Variants in GADD45GIP1 observed in about 807,000 individuals in gnomAD.
GADD45GIP1 encodes large ribosomal subunit protein mL64.
In GADD45GIP1, 17 loss-of-function variants were observed where a neutral mutation model predicts 22.1. The observed-to-expected ratio is 0.77, with a 90% CI of 0.53 to 1.15. The LOEUF is 1.15. GADD45GIP1 is among the 50% of genes most tolerant of loss of function. GADD45GIP1 has a pLI of 0.00. For synonymous variants in GADD45GIP1, 135 were observed against 138.4 expected (o/e 0.98, Z 0.17); for missense variants, 294 against 314.0 (o/e 0.94, Z 0.48).
At position 12,954,140 on chromosome 19, in the gene GADD45GIP1, C is replaced by G. The variant is rs1568456275; in HGVS notation, c.*68G>C. 1 of 1,385,342 alleles carries G rather than the reference C, an allele frequency of 7.2e-7. No individual in the cohort carries two copies. The highest frequency in any genetic ancestry group is 1.0e-6 in the Non-Finnish European group (1 of 1,003,428). The allele number at this position is 1,385,342 out of a possible 1,614,324, so 85.8% of individuals were successfully genotyped here. A position where few individuals can be genotyped will look rare whatever the true frequency, so the allele number is the denominator to read the frequency against. Reference sequence around the variant, plus strand: ...AACCAGGGGACCCAGAGAGGCACACCTTGAGAGGACGCAGATCTCTTCAGG... The same window carrying G: ...AACCAGGGGACCCAGAGAGGCACACGTTGAGAGGACGCAGATCTCTTCAGG... On this transcript the variant is annotated 3_prime_UTR_variant, in exon 2 of 2. Coordinates refer to ENST00000316939, the MANE Select transcript of GADD45GIP1 (RefSeq NM_052850.4).
At chr19:12,956,804 G>A (rs988382438) in intron 1 of GADD45GIP1, 59 bp downstream of exon 1, 1 of 1,507,972 alleles carries the variant, frequency 6.6e-7, no homozygotes, top group East Asian at 2.3e-5. Context: ...GCACGGTTTG[G>A]GGCCCAGTTC....
intron 1 of GADD45GIP1, among the ~76,000 whole-genome samples, 155 bp from the exon 2 acceptor site, chr19:12,954,681 C>T (rs1265296628): frequency 2.0e-5 from 3 of 152,150 alleles, no homozygotes; most frequent in Admixed American, 6.5e-5. Flanking sequence ...AGTGAAGAAA[C>T]AGGAAGAGAT....
rs143026997 is a variant in GADD45GIP1, at chr19:12,957,109, G to A, written c.104C>T (p.Pro35Leu). The change falls in exon 1 of 2, where the codon CCG becomes CTG. Residue 35 changes from proline (P) to leucine (L), a missense_variant. Pro to Leu is a moderately conservative substitution (Grantham distance 98). Coordinates refer to ENST00000316939, the MANE Select transcript of GADD45GIP1 (RefSeq NM_052850.4). ...YRARPPPRRR[P>L]GPRWPDPEDL... ...CTCGGGGTCTGGCCACCGGGGTCCC[G>A]GCCTGCGGCGCGGGGGCGGCCGCGC... is the stretch of plus-strand genomic sequence containing the variant. 5.8e-4 allele frequency: 832 copies of A among 1,439,380 alleles called. 1 individual carries two copies. In the African/African-American group the frequency reaches 9.1e-3, roughly 16 times the overall value. 89.2% of individuals were successfully genotyped at this position (1,439,380 alleles called of 1,614,324 possible).
chr19:12,957,105 T>C lies in GADD45GIP1; in HGVS notation c.108A>G (p.Gly36=). The change falls in exon 1 of 2, where the codon GGA becomes GGG. Residue 36 remains glycine, a synonymous_variant. Coordinates refer to ENST00000316939, the MANE Select transcript of GADD45GIP1 (RefSeq NM_052850.4). Reference sequence around the variant, plus strand: ...GGTCCTCGGGGTCTGGCCACCGGGGTCCCGGCCTGCGGCGCGGGGGCGGCC... The same window carrying C: ...GGTCCTCGGGGTCTGGCCACCGGGGCCCCGGCCTGCGGCGCGGGGGCGGCC... ...RARPPPRRRP[G]PRWPDPEDLL... is the part of the protein sequence containing the mutation. The C allele has an allele frequency of 1.4e-6, 2 of 1,451,474 alleles. No homozygotes were observed. The highest frequency in any genetic ancestry group is 1.8e-6 in the Non-Finnish European group (2 of 1,115,532). The allele number at this position is 1,451,474 out of a possible 1,614,324, so 89.9% of individuals were successfully genotyped here.
In GADD45GIP1 at chr19:12,954,002, A is replaced by G; in HGVS notation, c.*206T>C. On this transcript the variant is annotated 3_prime_UTR_variant, in exon 2 of 2. Transcript: ENST00000316939. ...CTTCTCCATTATTTGCCCATTGTACACCCCCCTTTTCCTCCCACTGAAGCC... is the reference window on the plus strand; with the variant it reads ...CTTCTCCATTATTTGCCCATTGTACGCCCCCCTTTTCCTCCCACTGAAGCC... 1.8e-6 allele frequency: 1 copy of G among 569,336 alleles called. No homozygotes were observed. Among genetic ancestry groups the G allele is most frequent in the Non-Finnish European group, 3.1e-6 (1 of 321,778 alleles). The allele number at this position is 569,336 out of a possible 1,614,324, so 35.3% of individuals were successfully genotyped here.
chr19:12,954,103 T>G lies in GADD45GIP1; in HGVS notation c.*105A>C. 1.1e-6 allele frequency: 1 copy of G among 951,600 alleles called. No individual in the cohort carries two copies. The highest frequency in any genetic ancestry group is 1.6e-6 in the Non-Finnish European group (1 of 617,506). The allele number at this position is 951,600 out of a possible 1,614,324, so 58.9% of individuals were successfully genotyped here. On this transcript the variant is annotated 3_prime_UTR_variant, in exon 2 of 2. Coordinates refer to ENST00000316939, the MANE Select transcript of GADD45GIP1 (RefSeq NM_052850.4). Reference sequence around the variant, plus strand: ...AGTGGGGGATTCCCCAGCTCTTAAGTATTGGGGGAGGAACCAGGGGACCCA... The same window carrying G: ...AGTGGGGGATTCCCCAGCTCTTAAGGATTGGGGGAGGAACCAGGGGACCCA...
At position 12,955,085 on chromosome 19, in the gene GADD45GIP1, T is replaced by C. The variant is rs183668406; in HGVS notation, c.351-559A>G. Reference sequence around the variant, plus strand: ...TTAAACCTAGTACCTAGAGGTCATTTTTCCTGATCCTCTCCCTCCACCCTC... The same window carrying C: ...TTAAACCTAGTACCTAGAGGTCATTCTTCCTGATCCTCTCCCTCCACCCTC... On this transcript the variant is annotated intron_variant, in intron 1 of 1. Coordinates refer to ENST00000316939, the MANE Select transcript of GADD45GIP1 (RefSeq NM_052850.4). 3.9e-5 allele frequency among the ~76,000 whole-genome samples: 6 copies of C among 152,306 alleles called. No homozygotes were observed. In the East Asian group the frequency reaches 1.2e-3, roughly 29 times the overall value.
At chr19:12,954,646 T>C in intron 1 of GADD45GIP1, 120 bp from the exon 2 acceptor site, 1 of 719,214 alleles carries the variant, frequency 1.4e-6, no homozygotes, top group Non-Finnish European at 2.3e-6. Context: ...CCCAGTAGAT[T>C]AACTGTCAGG....
Position 12,954,157 on chromosome 19 carries a change from C to G in GADD45GIP1, c.*51G>C, listed in dbSNP as rs773257129. The G allele has an allele frequency of 6.7e-7, 1 of 1,488,128 alleles. No homozygotes were observed. The allele number at this position is 1,488,128 out of a possible 1,614,324, so 92.2% of individuals were successfully genotyped here. On this transcript the variant is annotated 3_prime_UTR_variant, in exon 2 of 2. Transcript: ENST00000316939. Reference sequence around the variant, plus strand: ...AGGCACACCTTGAGAGGACGCAGATCTCTTCAGGGGTACTGCCAGGTAGCA... The same window carrying G: ...AGGCACACCTTGAGAGGACGCAGATGTCTTCAGGGGTACTGCCAGGTAGCA...
At position 12,953,768 on chromosome 19, in the gene GADD45GIP1, A is replaced by G. The variant is rs1490985105; in HGVS notation, c.*440T>C. 1 of 165,336 alleles carries G rather than the reference A, an allele frequency of 6.0e-6. No individual in the cohort carries two copies. The highest frequency in any genetic ancestry group is 1.3e-5 in the Non-Finnish European group (1 of 76,260). The allele number at this position is 165,336 out of a possible 1,614,324, so 10.2% of individuals were successfully genotyped here. On this transcript the variant is annotated 3_prime_UTR_variant, in exon 2 of 2. Transcript: ENST00000316939. ...GGGAGAGGAGTCTGTGAGTCCCTGC[A>G]GATTGAGGCTTCCGGTGTCTCCTCC...
chr19:12,954,922 A>G (rs904335464), intron 1 of GADD45GIP1, among the ~76,000 whole-genome samples: 8 of 152,166 alleles, frequency 5.3e-5, no homozygotes, highest in African/African-American at 1.7e-4. Flanking sequence ...GACATTTCCC[A>G]CCAATCCTTG....
Position 12,956,882 on chromosome 19 carries a change from C to T in GADD45GIP1, c.331G>A (p.Glu111Lys). ...ESLRVKQLAE[E>K]QKRREREQHI... ...ACGCACCTCTCCCGACGCTTCTGCT[C>T]TTCGGCCAGCTGCTTCACCCGCAGC... The change falls in exon 1 of 2, where the codon GAG becomes AAG. Residue 111 changes from glutamate (E) to lysine (K), a missense_variant. Glu to Lys is a moderately conservative substitution (Grantham distance 56). Coordinates refer to ENST00000316939, the MANE Select transcript of GADD45GIP1 (RefSeq NM_052850.4). The T allele has an allele frequency of 6.3e-7, 1 of 1,598,640 alleles. No individual in the cohort carries two copies.
rs377477797 is a variant in GADD45GIP1, at chr19:12,953,338, T to A, written c.*870A>T. 96 of 244,042 alleles carry A rather than the reference T, an allele frequency of 3.9e-4. 1 individual carries two copies. In the East Asian group the frequency reaches 6.3e-3, roughly 16 times the overall value. 15.1% of individuals were successfully genotyped at this position (244,042 alleles called of 1,614,324 possible). A position where few individuals can be genotyped will look rare whatever the true frequency, so the allele number is the denominator to read the frequency against. ...GGCCCCTCTTGGCCTCTGTCCCAGC[T>A]CTCTGCAGCCAGACGGAAAGGCGGC... is the stretch of plus-strand genomic sequence containing the variant. On this transcript the variant is annotated 3_prime_UTR_variant, in exon 2 of 2. Coordinates refer to ENST00000316939, the MANE Select transcript of GADD45GIP1 (RefSeq NM_052850.4).
chr19:12,953,890 A>G lies in GADD45GIP1; in HGVS notation c.*318T>C, dbSNP rs1300142007. 1.1e-5 allele frequency: 3 copies of G among 267,814 alleles called. No homozygotes were observed. Among genetic ancestry groups the G allele is most frequent in the Non-Finnish European group, 7.2e-6 (1 of 138,876 alleles). 16.6% of individuals were successfully genotyped at this position (267,814 alleles called of 1,614,324 possible). A position where few individuals can be genotyped will look rare whatever the true frequency, so the allele number is the denominator to read the frequency against. On this transcript the variant is annotated 3_prime_UTR_variant, in exon 2 of 2. Coordinates refer to ENST00000316939, the MANE Select transcript of GADD45GIP1 (RefSeq NM_052850.4). ...ATCATCACCACAGTCTGTTTTGGCT[A>G]TACTTCCCCCCCCACCAGCCTTGTA...
intron 1 of GADD45GIP1, 113 bp from the exon 2 acceptor site, chr19:12,954,639 A>G (rs1291312547): frequency 9.2e-6 from 7 of 764,448 alleles, no homozygotes; most frequent in East Asian, 2.7e-5. Flanking sequence ...CAACTCCCCC[A>G]GTAGATTAAC....
At position 12,954,163 on chromosome 19, in the gene GADD45GIP1, A is replaced by T; in HGVS notation, c.*45T>A. 6.5e-7 allele frequency: 1 copy of T among 1,530,200 alleles called. No individual in the cohort carries two copies. The highest frequency in any genetic ancestry group is 9.0e-7 in the Non-Finnish European group (1 of 1,116,376). The allele number at this position is 1,530,200 out of a possible 1,614,324, so 94.8% of individuals were successfully genotyped here. ...ACCTTGAGAGGACGCAGATCTCTTCAGGGGTACTGCCAGGTAGCAGGCTTT... is the reference window on the plus strand; with the variant it reads ...ACCTTGAGAGGACGCAGATCTCTTCTGGGGTACTGCCAGGTAGCAGGCTTT... On this transcript the variant is annotated 3_prime_UTR_variant, in exon 2 of 2. Coordinates refer to ENST00000316939, the MANE Select transcript of GADD45GIP1 (RefSeq NM_052850.4).
At position 12,953,833 on chromosome 19, in the gene GADD45GIP1, G is replaced by A. The variant is rs45549436; in HGVS notation, c.*375C>T. 7.7e-4 allele frequency: 144 copies of A among 186,840 alleles called. No homozygotes were observed. The highest frequency in any genetic ancestry group is 2.6e-3 in the African/African-American group (111 of 42,360). 11.6% of individuals were successfully genotyped at this position (186,840 alleles called of 1,614,324 possible). On this transcript the variant is annotated 3_prime_UTR_variant, in exon 2 of 2. Coordinates refer to ENST00000316939, the MANE Select transcript of GADD45GIP1 (RefSeq NM_052850.4). ...TCCAGGCAGTGGACCCCAGCCCAAC[G>A]TTACAAGGACTGCTTCTCCCCGGCC...
At chr19:12,956,209 T>C (rs1045319603) in intron 1 of GADD45GIP1, among the ~76,000 whole-genome samples, 11 of 152,336 alleles carry the variant, frequency 7.2e-5, no homozygotes, top group Admixed American at 2.0e-4. Flanking sequence ...GCTGTCACCA[T>C]TGGTATTATC....
rs1291909657 is a variant in GADD45GIP1, at chr19:12,956,894, G to A, written c.319C>T (p.Gln107Ter). ...ATMQESLRVK[Q>*]LAEEQKRRER... ...CGACGCTTCTGCTCTTCGGCCAGCT[G>A]CTTCACCCGCAGCGACTCCTGCATG... The change falls in exon 1 of 2, where the codon CAG becomes TAG. Residue 107 changes from glutamine (Q) to a stop codon, truncating the protein, a stop_gained. Transcript: ENST00000316939. LOFTEE classifies it high-confidence loss of function. The A allele has an allele frequency of 1.9e-6, 3 of 1,599,652 alleles. No homozygotes were observed. Among genetic ancestry groups the A allele is most frequent in the South Asian group, 2.2e-5 (2 of 90,950 alleles).
Sources: allele counts gnomAD v4.1 joint callset (sites outside exome capture counted in the v4.1 genomes callset), GRCh38; gene constraint gnomAD v4.1.1; transcripts MANE v1.5; gene names NCBI Gene and HGNC (gene_info 2026-07-23, HGNC 2026-07-21).